The following RCSD1 variants were observed in gnomAD, a reference collection of about 807,000 sequenced individuals.
RCSD1 encodes RCSD domain containing 1.
In RCSD1, 26 loss-of-function variants were observed where a neutral mutation model predicts 42.5. The ratio of observed to expected loss-of-function variants is 0.61; its 90% CI spans 0.45 to 0.85. The LOEUF (loss-of-function observed/expected upper bound fraction) is 0.85. Ranked by LOEUF, RCSD1 falls within the 40% of genes least tolerant of loss-of-function variation. The probability of loss-of-function intolerance (pLI) is 0.00; values close to 1 mark genes in which losing one functional copy is unlikely to be tolerated. For synonymous variants in RCSD1, 220 were observed against 212.2 expected (o/e 1.04, Z -0.32); for missense variants, 571 against 528.3 (o/e 1.08, Z -0.79).
In RCSD1 at chr1:167,697,832, C is replaced by A; in HGVS notation, c.1208C>A (p.Pro403His). The change falls in exon 6 of 7, where the codon CCC becomes CAC. Residue 403 changes from proline to histidine, a missense_variant. Coordinates refer to ENST00000367854, the MANE Select transcript of RCSD1 (RefSeq NM_052862.4). ...GAGGTCCAGAGCGAGCCAGCAGTCC[C>A]CAAGCCGGAGGTAGGTGGCCTGGCT... ...SSEVQSEPAV[P>H]KPEDDTPVQD... is the part of the protein sequence containing the mutation. 1.4e-6 allele frequency: 2 copies of A among 1,463,662 alleles called. No individual in the cohort carries two copies. The highest frequency in any genetic ancestry group is 4.9e-5 in the East Asian group (2 of 41,204). 90.7% of individuals were successfully genotyped at this position (1,463,662 alleles called of 1,614,324 possible). A position where few individuals can be genotyped will look rare whatever the true frequency, so the allele number is the denominator to read the frequency against.
intron 1 of RCSD1, among the ~76,000 whole-genome samples, chr1:167,675,484 G>A (rs1658928964): frequency 6.6e-6 from 1 of 152,024 alleles, no homozygotes; most frequent in South Asian, 2.1e-4. Flanking sequence ...CCTCCCACCT[G>A]GTCCCTCCTA....
At chr1:167,678,965 C>T (rs1397199305) in intron 1 of RCSD1, among the ~76,000 whole-genome samples, 1 of 150,772 alleles carries the variant, frequency 6.6e-6, no homozygotes, top group African/African-American at 2.5e-5. Flanking sequence ...AATAAGTGCC[C>T]TGTTTTATTT....
At chr1:167,682,668 A>AGTGTGTGTGTGT (rs10607777) in intron 1 of RCSD1, among the ~76,000 whole-genome samples, 29 of 142,618 alleles carry the variant, frequency 2.0e-4, no homozygotes, top group Non-Finnish European at 2.8e-4. Flanking sequence ...GCCATGGAAG[A>AGTGTGTGTGTGT]GTGTGTGTGT....
chr1:167,665,526 C>T (rs572280160), intron 1 of RCSD1, among the ~76,000 whole-genome samples: 6 of 152,264 alleles, frequency 3.9e-5, no homozygotes, highest in Admixed American at 2.0e-4. Context: ...CTTAACTTCA[C>T]GAGCAGCTAC....
At chr1:167,636,586 T>TG (rs1553247445) in intron 1 of RCSD1, among the ~76,000 whole-genome samples, 3 of 152,076 alleles carry the variant, frequency 2.0e-5, no homozygotes, top group Non-Finnish European at 4.4e-5. Context: ...TTTTGTTTTT[T>TG]TTTGTTTGTT....
Position 167,678,128 on chromosome 1 carries a change from G to A in RCSD1, c.7-5772G>A, listed in dbSNP as rs142688326. ...ATGAAAGGCAGCTTAGGGTGACTAA[G>A]GAGACATCCCAGACCTCAGTCTTTG... On this transcript the variant is annotated intron_variant, in intron 1 of 6. Coordinates refer to ENST00000367854, the MANE Select transcript of RCSD1 (RefSeq NM_052862.4). Among the ~76,000 whole-genome samples, 15 of 152,280 alleles carry A rather than the reference G, an allele frequency of 9.9e-5. No individual in the cohort carries two copies. In the East Asian group the frequency reaches 2.5e-3, roughly 26 times the overall value.
intron 1 of RCSD1, among the ~76,000 whole-genome samples, chr1:167,656,023 T>C (rs1320629627): frequency 6.6e-6 from 1 of 152,218 alleles, no homozygotes; most frequent in Non-Finnish European, 1.5e-5. Flanking sequence ...CTGTTTACAA[T>C]ATACATGGAT....
At position 167,697,287 on chromosome 1, in the gene RCSD1, G is replaced by A. The variant is rs1460878810; in HGVS notation, c.663G>A (p.Glu221=). The A allele has an allele frequency of 6.2e-7, 1 of 1,614,034 alleles. No individual in the cohort carries two copies. Among genetic ancestry groups the A allele is most frequent in the African/African-American group, 1.3e-5 (1 of 74,928 alleles). Reference sequence around the variant, plus strand: ...CCCCAGGATCCCCTTTGTCCAGTGAGGGAGCAGCGGGAGAGGGAGTGAGAA... The same window carrying A: ...CCCCAGGATCCCCTTTGTCCAGTGAAGGAGCAGCGGGAGAGGGAGTGAGAA... ...SKAPGSPLSS[E]GAAGEGVRTL... The change falls in exon 6 of 7, where the codon GAG becomes GAA. Residue 221 remains glutamate (E), a synonymous_variant. Coordinates refer to ENST00000367854, the MANE Select transcript of RCSD1 (RefSeq NM_052862.4).
intron 1 of RCSD1, among the ~76,000 whole-genome samples, chr1:167,655,525 A>T (rs548097939): frequency 6.6e-6 from 1 of 152,158 alleles, no homozygotes; most frequent in African/African-American, 2.4e-5. Flanking sequence ...TCTCCCTGCT[A>T]TGACCTGCGT....
At position 167,688,999 on chromosome 1, in the gene RCSD1, C is replaced by G. The variant is rs187453160; in HGVS notation, c.199-1050C>G. 2.6e-5 allele frequency among the ~76,000 whole-genome samples: 4 copies of G among 152,142 alleles called. No individual in the cohort carries two copies. In the East Asian group the frequency reaches 7.7e-4, roughly 29 times the overall value. ...GTTAATATTTTTACATGATATGGAT[C>G]CCGAAGGCAGACAAGATTCCTGGCA... On this transcript the variant is annotated intron_variant, in intron 3 of 6. Transcript: ENST00000367854.
chr1:167,655,146 C>T (rs946450181), intron 1 of RCSD1, among the ~76,000 whole-genome samples: 2 of 152,142 alleles, frequency 1.3e-5, no homozygotes, highest in Non-Finnish European at 2.9e-5. Flanking sequence ...CCAAACCTCC[C>T]TCCTGCAAAA....
chr1:167,652,984 C>T (rs1018050899), intron 1 of RCSD1, among the ~76,000 whole-genome samples: 1 of 152,166 alleles, frequency 6.6e-6, no homozygotes, highest in African/African-American at 2.4e-5. Context: ...AAAGACTTCT[C>T]GAGCTTTGGT....
At chr1:167,637,181 C>T in intron 1 of RCSD1, among the ~76,000 whole-genome samples, 1 of 152,044 alleles carries the variant, frequency 6.6e-6, no homozygotes, top group South Asian at 2.1e-4. Context: ...AAGAGCATTC[C>T]AATCAGAAAG....
At chr1:167,631,566 C>T (rs1420850144) in intron 1 of RCSD1, among the ~76,000 whole-genome samples, 1 of 152,184 alleles carries the variant, frequency 6.6e-6, no homozygotes, top group Non-Finnish European at 1.5e-5. Context: ...CTCACTGCAA[C>T]CTCTGCCTCC....
At chr1:167,636,443 CTT>C (rs1030071894) in intron 1 of RCSD1, among the ~76,000 whole-genome samples, 6 of 152,186 alleles carry the variant, frequency 3.9e-5, no homozygotes, top group Non-Finnish European at 8.8e-5. Context: ...GTCTCCAGCC[CTT>C]TGTTTTGAAC....
In RCSD1 at chr1:167,705,944, G is replaced by A. The variant is rs941692875; in HGVS notation, c.*1248G>A. 1 of 152,150 alleles carries A rather than the reference G, an allele frequency of 6.6e-6. No individual in the cohort carries two copies. The highest frequency in any genetic ancestry group is 2.4e-5 in the African/African-American group (1 of 41,418). 9.4% of individuals were successfully genotyped at this position (152,150 alleles called of 1,614,324 possible). ...CTTATTCTGATTTGAGTATTTTAAT[G>A]TCTCAGTGTGCTGATTTGGTAGTTG... On this transcript the variant is annotated 3_prime_UTR_variant, in exon 7 of 7. Transcript: ENST00000367854.
intron 4 of RCSD1, among the ~76,000 whole-genome samples, chr1:167,691,218 A>C (rs1659368989): frequency 6.6e-6 from 1 of 152,166 alleles, no homozygotes; most frequent in Non-Finnish European, 1.5e-5. Flanking sequence ...GACAATGAAA[A>C]ATGTCTCTAG....
At chr1:167,643,211 A>G (rs754481832) in intron 1 of RCSD1, among the ~76,000 whole-genome samples, 2 of 152,222 alleles carry the variant, frequency 1.3e-5, no homozygotes, top group Admixed American at 6.5e-5. Context: ...ATTAGTATTT[A>G]TTAAACTGAT....
intron 1 of RCSD1, among the ~76,000 whole-genome samples, chr1:167,647,262 A>T (rs1250468518): frequency 6.6e-6 from 1 of 152,086 alleles, no homozygotes; most frequent in Non-Finnish European, 1.5e-5. Flanking sequence ...ACAGCCATGC[A>T]TTGGGAAGGC....
Sources: allele counts gnomAD v4.1 joint callset (sites outside exome capture counted in the v4.1 genomes callset), GRCh38; gene constraint gnomAD v4.1.1; transcripts MANE v1.5; gene names NCBI Gene and HGNC (gene_info 2026-07-23, HGNC 2026-07-21).